BMP6: variants seen among roughly 807,000 people sequenced by gnomAD.
BMP6 encodes the protein bone morphogenetic protein 6.
BMP6 carries 17 observed loss-of-function variants against 54.1 expected under a neutral mutation model. That is an observed-to-expected ratio of 0.31 (90% CI 0.22 to 0.47). BMP6 has a LOEUF of 0.47. Ranked by LOEUF, BMP6 falls within the 20% of genes least tolerant of loss-of-function variation. BMP6 has a pLI of 1.00. For missense variants in BMP6, 720 were observed against 690.4 expected, an observed-to-expected ratio of 1.04 and a Z score of -0.48; for synonymous variants, 328 against 291.2, an observed-to-expected ratio of 1.13 and a Z score of -1.28.
At chr6:7,758,271 T>G (rs557590384) in intron 1 of BMP6, among the ~76,000 whole-genome samples, 7 of 152,248 alleles carry the variant, frequency 4.6e-5, no homozygotes, top group Non-Finnish European at 7.3e-5. Flanking sequence ...ATTCGCAGAT[T>G]GAGTAGCCAC....
chr6:7,873,482 A>G (rs1190650446), intron 4 of BMP6, among the ~76,000 whole-genome samples: 3 of 152,156 alleles, frequency 2.0e-5, no homozygotes, highest in African/African-American at 7.2e-5. Context: ...CCAACCTGGA[A>G]GCTCCACTGA....
intron 1 of BMP6, among the ~76,000 whole-genome samples, chr6:7,762,466 G>C (rs888822238): frequency 4.6e-5 from 7 of 152,174 alleles, no homozygotes; most frequent in African/African-American, 1.7e-4. Context: ...GGCATGACGT[G>C]GGGGAATTCA....
chr6:7,881,017 T>G lies in BMP6; in HGVS notation c.*674T>G, dbSNP rs1317452971. On this transcript the variant is annotated 3_prime_UTR_variant, in exon 7 of 7. Coordinates refer to ENST00000283147, the MANE Select transcript of BMP6 (RefSeq NM_001718.6). ...CTGTACTCTTTGCTAGTACCAAAAG[T>G]AGACTGATTACACTGAGGTGAGGCT... 3 of 153,338 alleles carry G rather than the reference T, an allele frequency of 2.0e-5. No individual in the cohort carries two copies. The highest frequency in any genetic ancestry group is 7.2e-5 in the African/African-American group (3 of 41,456). The allele number at this position is 153,338 out of a possible 1,614,324, so 9.5% of individuals were successfully genotyped here.
chr6:7,877,641 T>G (rs1175014541), intron 4 of BMP6, among the ~76,000 whole-genome samples: 1 of 151,256 alleles, frequency 6.6e-6, no homozygotes, highest in South Asian at 2.1e-4. Flanking sequence ...AAAAAAAAAA[T>G]TAATGAAATC....
chr6:7,749,024 T>C lies in BMP6; in HGVS notation c.664+21405T>C, dbSNP rs144586891. On this transcript the variant is annotated intron_variant, in intron 1 of 6. Coordinates refer to ENST00000283147, the MANE Select transcript of BMP6 (RefSeq NM_001718.6). ...AGTACCACCATTTTGATCTTCCACA[T>C]TGATGCTACTAGTATTCTACCCTTC... Among the ~76,000 whole-genome samples the C allele has an allele frequency of 2.7e-3, 415 of 152,346 alleles. 1 individual carries two copies. The highest frequency in any genetic ancestry group is 9.5e-3 in the African/African-American group (393 of 41,580).
At chr6:7,777,394 G>A (rs1757877398) in intron 1 of BMP6, among the ~76,000 whole-genome samples, 1 of 152,190 alleles carries the variant, frequency 6.6e-6, no homozygotes, top group Non-Finnish European at 1.5e-5. Context: ...TTTTCAAAAT[G>A]TTACAAGTAA....
In BMP6 at chr6:7,862,402, G is replaced by T. The variant is rs144134653; in HGVS notation, c.1108G>T (p.Val370Leu). 2.5e-6 allele frequency: 4 copies of T among 1,614,078 alleles called. No homozygotes were observed. The highest frequency in any genetic ancestry group is 3.4e-6 in the Non-Finnish European group (4 of 1,180,058). Residue 370 changes from valine (V) to leucine (L), a missense_variant, in exon 4 of 7, where the codon GTG becomes TTG. Val to Leu is a conservative substitution (Grantham distance 32). Around this residue, in one of 3 missense-constraint regions of BMP6, gnomAD observed 650 missense variants for 556.3 expected, o/e 1.17. Coordinates refer to ENST00000283147, the MANE Select transcript of BMP6 (RefSeq NM_001718.6). ...VAFFKVSEVH[V>L]RTTRSASSRR... ...TTTCTTCAAAGTGAGTGAGGTGCACGTGCGCACCACCAGGTCAGCCTCCAG... is the reference window on the plus strand; with the variant it reads ...TTTCTTCAAAGTGAGTGAGGTGCACTTGCGCACCACCAGGTCAGCCTCCAG...
chr6:7,730,146 A>G (rs1761826453), intron 1 of BMP6, among the ~76,000 whole-genome samples: 2 of 152,122 alleles, frequency 1.3e-5, no homozygotes, highest in African/African-American at 4.8e-5. Flanking sequence ...GACCCTCCAA[A>G]TTCCCCTTAT....
intron 2 of BMP6, among the ~76,000 whole-genome samples, chr6:7,855,748 C>T (rs975633439): frequency 6.6e-6 from 1 of 151,590 alleles, no homozygotes; most frequent in African/African-American, 2.4e-5. Flanking sequence ...AGTCTGGTCT[C>T]GAACCCCTGG....
chr6:7,840,451 A>T (rs1249227116), intron 1 of BMP6, among the ~76,000 whole-genome samples: 1 of 152,156 alleles, frequency 6.6e-6, no homozygotes, highest in Non-Finnish European at 1.5e-5. Flanking sequence ...ATCCTTTTGT[A>T]TGTATAATTA....
intron 1 of BMP6, among the ~76,000 whole-genome samples, chr6:7,731,712 C>T (rs1452680600): frequency 6.6e-6 from 1 of 152,186 alleles, no homozygotes; most frequent in Non-Finnish European, 1.5e-5. Context: ...AAAATGTTTA[C>T]AGTGAAGACA....
intron 1 of BMP6, among the ~76,000 whole-genome samples, chr6:7,770,224 T>C (rs1228942494): frequency 6.6e-6 from 1 of 152,200 alleles, no homozygotes; most frequent in African/African-American, 2.4e-5. Context: ...AATGGGAAAA[T>C]AAGCCACATC....
chr6:7,822,309 C>T (rs550382939), intron 1 of BMP6, among the ~76,000 whole-genome samples: 4 of 152,304 alleles, frequency 2.6e-5, no homozygotes, highest in Admixed American at 6.5e-5. Flanking sequence ...CGTGAGCCAC[C>T]GCACCTGGGA....
intron 1 of BMP6, among the ~76,000 whole-genome samples, chr6:7,763,385 C>T (rs529654007): frequency 6.6e-6 from 1 of 152,130 alleles, no homozygotes; most frequent in Admixed American, 6.5e-5. Flanking sequence ...GGGAGGCACT[C>T]TTATGGGAAT....
rs1759710367 is a variant in BMP6 at position 7,880,887 on chromosome 6, T to C, written c.*544T>C. On this transcript the variant is annotated 3_prime_UTR_variant, in exon 7 of 7. Transcript: ENST00000283147. Reference sequence around the variant, plus strand: ...CAGCCAGGGCTCCACGGGGCGCCCTTGTCTCAGTCATTGCTGTTGTATGTT... The same window carrying C: ...CAGCCAGGGCTCCACGGGGCGCCCTCGTCTCAGTCATTGCTGTTGTATGTT... 1 of 155,730 alleles carries C rather than the reference T, an allele frequency of 6.4e-6. No homozygotes were observed. The allele number at this position is 155,730 out of a possible 1,614,324, so 9.6% of individuals were successfully genotyped here.
At chr6:7,770,959 G>GT (rs1446900778) in intron 1 of BMP6, among the ~76,000 whole-genome samples, 2 of 152,210 alleles carry the variant, frequency 1.3e-5, no homozygotes, top group South Asian at 2.1e-4. Flanking sequence ...GAGTCATTGA[G>GT]TTTCAGCATT....
chr6:7,769,541 T>C (rs1274715044), intron 1 of BMP6, among the ~76,000 whole-genome samples: 1 of 152,170 alleles, frequency 6.6e-6, no homozygotes, highest in Non-Finnish European at 1.5e-5. Context: ...AGTGTTTTTG[T>C]TTTTCAGCAT....
intron 2 of BMP6, among the ~76,000 whole-genome samples, chr6:7,857,133 G>C (rs1220745599): frequency 6.6e-6 from 1 of 152,222 alleles, no homozygotes; most frequent in South Asian, 2.1e-4. Context: ...TGCCTTGGAG[G>C]CTGTGTGATG....
chr6:7,814,549 A>G (rs1758495106), intron 1 of BMP6, among the ~76,000 whole-genome samples: 1 of 151,988 alleles, frequency 6.6e-6, no homozygotes, highest in Non-Finnish European at 1.5e-5. Context: ...CCTTTGTTAC[A>G]GTCTCTGAAT....
Sources: gnomAD v4.1 joint callset for allele counts (sites outside exome capture counted in the v4.1 genomes callset) on GRCh38, gnomAD v4.1.1 for gene constraint, gnomAD v4.1.1 regional missense constraint, MANE v1.5 for transcripts, NCBI Gene and HGNC (gene_info 2026-07-23, HGNC 2026-07-21) for gene names.